The following KAZN variants were observed in gnomAD, a reference collection of about 807,000 sequenced individuals.
KAZN encodes kazrin, periplakin interacting protein, also known as kazrin.
In KAZN, 40 loss-of-function variants were observed where a neutral mutation model predicts 87.4. The observed-to-expected ratio is 0.46, with a 90% CI of 0.36 to 0.60. The LOEUF is 0.60. Ranked by LOEUF, KAZN falls within the 20% of genes least tolerant of loss-of-function variation. KAZN has a pLI of 0.00. For missense variants in KAZN, 898 were observed against 1,073.9 expected (o/e 0.84, Z 2.29); for synonymous variants, 466 against 458.3 (o/e 1.02, Z -0.22).
intron 1 of KAZN, among the ~76,000 whole-genome samples, chr1:14,128,900 A>G (rs544598059): frequency 6.6e-6 from 1 of 152,252 alleles, no homozygotes; most frequent in Admixed American, 6.5e-5. Context: ...TTGGTTCATA[A>G]AGCCCCGGTG....
At chr1:13,961,123 C>T (rs1051184903) in intron 1 of KAZN, among the ~76,000 whole-genome samples, 25 of 152,174 alleles carry the variant, frequency 1.6e-4, no homozygotes, top group African/African-American at 6.0e-4. Flanking sequence ...TTTCCCTCTC[C>T]TGCCCCCACC....
Position 15,094,189 on chromosome 1 carries a change from G to C in KAZN, c.1232G>C (p.Ser411Thr). Residue 411 changes from serine (S) to threonine (T), a missense_variant, in exon 9 of 15, where the codon AGC (serine) becomes ACC (threonine). By Grantham distance (58) the Ser-to-Thr change is moderately conservative (BLOSUM62 1). Around this residue, in one of 3 missense-constraint regions of KAZN, gnomAD observed 521 missense variants for 689.4 expected, o/e 0.76. Coordinates refer to ENST00000376030, the MANE Select transcript of KAZN (RefSeq NM_201628.3). This position sits in a 1 kb window ranked among gnomAD's most constrained non-coding sequence, Gnocchi z 4.5. The stretch of plus-strand genomic sequence containing the variant: ...CACTTGTGTGTTGCAGACTCGGACA[G>C]CCAGTGCAGCCCCACGCGGCAGAGC... ...LDPGLFDDSD[S>T]QCSPTRQSLS... 4 of 1,613,120 alleles carry C rather than the reference G, an allele frequency of 2.5e-6. No homozygotes were observed. The highest frequency in any genetic ancestry group is 3.4e-6 in the Non-Finnish European group (4 of 1,179,840).
chr1:13,962,803 C>A (rs920301364), intron 1 of KAZN, among the ~76,000 whole-genome samples: 1 of 152,214 alleles, frequency 6.6e-6, no homozygotes, highest in Non-Finnish European at 1.5e-5. Context: ...GGTGATCTAC[C>A]TGCCTTGGCC....
At chr1:14,427,612 G>A (rs28537351) in intron 2 of KAZN, among the ~76,000 whole-genome samples, 15,745 of 151,836 alleles carry the variant, frequency 0.1, 933 homozygotes, top group African/African-American at 0.12. Flanking sequence ...CTGTGTGTGT[G>A]TATATATATG....
At chr1:14,854,809 G>T (rs979612924) in intron 1 of KAZN, among the ~76,000 whole-genome samples, 14 of 152,082 alleles carry the variant, frequency 9.2e-5, no homozygotes, top group African/African-American at 3.1e-4. Flanking sequence ...ATCTCCCCTA[G>T]TTCCTAAAGG....
intron 1 of KAZN, among the ~76,000 whole-genome samples, chr1:14,118,650 G>A (rs1021019602): frequency 1.3e-5 from 2 of 152,236 alleles, no homozygotes; most frequent in Admixed American, 6.5e-5. Flanking sequence ...TCACAAGGAT[G>A]TTCACCGAAG....
intron 1 of KAZN, among the ~76,000 whole-genome samples, chr1:14,895,807 A>G (rs1438902239): frequency 6.6e-6 from 1 of 152,102 alleles, no homozygotes; most frequent in African/African-American, 2.4e-5. Flanking sequence ...TGGACTCCTC[A>G]CTGGTCTCCC....
chr1:14,554,599 T>C (rs1049260970), intron 2 of KAZN, among the ~76,000 whole-genome samples: 1 of 152,218 alleles, frequency 6.6e-6, no homozygotes, highest in Non-Finnish European at 1.5e-5. Flanking sequence ...CAAACTCTTA[T>C]AACAGATATG....
intron 1 of KAZN, among the ~76,000 whole-genome samples, chr1:13,985,635 T>A (rs1638981939): frequency 6.6e-6 from 1 of 151,042 alleles, no homozygotes; most frequent in Admixed American, 6.6e-5. Context: ...ATTTTTATCA[T>A]CCCTCCAAAA....
intron 1 of KAZN, among the ~76,000 whole-genome samples, chr1:14,833,870 T>G (rs1192894844): frequency 2.0e-5 from 3 of 151,352 alleles, no homozygotes; most frequent in African/African-American, 7.3e-5. Flanking sequence ...AACCTGAAAT[T>G]CGGGTTTGCC....
At chr1:14,414,594 C>T (rs1664589859) in intron 2 of KAZN, among the ~76,000 whole-genome samples, 1 of 151,802 alleles carries the variant, frequency 6.6e-6, no homozygotes, top group Non-Finnish European at 1.5e-5. Flanking sequence ...AAATGTAAAA[C>T]AATCTTGCAT....
At chr1:14,443,332 G>A (rs1666800113) in intron 2 of KAZN, among the ~76,000 whole-genome samples, 1 of 152,198 alleles carries the variant, frequency 6.6e-6, no homozygotes, top group African/African-American at 2.4e-5. Flanking sequence ...GATCTTCAAA[G>A]GCTGCCTAAT....
chr1:15,035,800 C>G (rs1284199664), intron 3 of KAZN, among the ~76,000 whole-genome samples: 1 of 152,192 alleles, frequency 6.6e-6, no homozygotes, highest in East Asian at 1.9e-4. Flanking sequence ...GATCACCCCA[C>G]TGCACTCCAG....
intron 1 of KAZN, among the ~76,000 whole-genome samples, chr1:14,677,910 G>A (rs1640329256): frequency 6.6e-6 from 1 of 152,186 alleles, no homozygotes; most frequent in Non-Finnish European, 1.5e-5. Context: ...GCTGGTATGT[G>A]TGCTTTACGG....
intron 1 of KAZN, among the ~76,000 whole-genome samples, chr1:14,158,962 T>C (rs1449391694): frequency 6.6e-6 from 1 of 151,996 alleles, no homozygotes; most frequent in African/African-American, 2.4e-5. Flanking sequence ...GTGAATTGAG[T>C]CTCTTTCTCT....
intron 2 of KAZN, among the ~76,000 whole-genome samples, chr1:14,293,790 T>C (rs1653902586): frequency 6.6e-6 from 1 of 152,192 alleles, no homozygotes; most frequent in African/African-American, 2.4e-5. Context: ...GCCGTCTTTC[T>C]GAATACAGCA....
At chr1:14,061,849 C>T (rs1642807704) in intron 1 of KAZN, among the ~76,000 whole-genome samples, 1 of 152,036 alleles carries the variant, frequency 6.6e-6, no homozygotes, top group Non-Finnish European at 1.5e-5. Flanking sequence ...GAGTTGCGGA[C>T]ACAAAAAGAG....
intron 1 of KAZN, among the ~76,000 whole-genome samples, chr1:14,881,610 G>C (rs755320039): frequency 6.6e-6 from 1 of 152,158 alleles, no homozygotes; most frequent in Non-Finnish European, 1.5e-5. Flanking sequence ...GCTGGTCCCT[G>C]CCTCTAGGAA....
chr1:14,823,033 A>C (rs910632546), intron 1 of KAZN, among the ~76,000 whole-genome samples: 4 of 152,106 alleles, frequency 2.6e-5, no homozygotes, highest in East Asian at 1.9e-4. Flanking sequence ...TCTCTTCGAA[A>C]GCAGGAAGGG....
Sources: gnomAD v4.1 joint callset for allele counts (sites outside exome capture counted in the v4.1 genomes callset) on GRCh38, gnomAD v4.1.1 for gene constraint, gnomAD v4.1.1 regional missense constraint, Gnocchi (gnomAD v3.1) non-coding constraint, MANE v1.5 for transcripts, NCBI Gene and HGNC (gene_info 2026-07-23, HGNC 2026-07-21) for gene names.